Variants in DLGAP4 observed in about 807,000 individuals in gnomAD.
DLGAP4 encodes the protein disks large-associated protein 4.
DLGAP4 carries 18 observed loss-of-function variants against 86.9 expected under a neutral mutation model. The ratio of observed to expected loss-of-function variants is 0.21; its 90% CI spans 0.14 to 0.31. The LOEUF (loss-of-function observed/expected upper bound fraction) is 0.31. DLGAP4 is among the 10% of genes least tolerant of loss of function. The pLI, the probability that DLGAP4 is intolerant of heterozygous loss-of-function variation, is 1.00. For synonymous variants in DLGAP4, 548 were observed against 574.3 expected (o/e 0.95, Z 0.65); for missense variants, 1,085 against 1,362.6 (o/e 0.80, Z 3.21).
intron 2 of DLGAP4, among the ~76,000 whole-genome samples, chr20:36,380,264 A>AAG (rs2031323367): frequency 2.7e-5 from 4 of 149,682 alleles, no homozygotes; most frequent in African/African-American, 9.9e-5. Flanking sequence ...AAAAAAAATA[A>AAG]CCAGGTGTGG....
At chr20:36,387,651 A>G (rs1451547908) in intron 2 of DLGAP4, among the ~76,000 whole-genome samples, 1 of 152,170 alleles carries the variant, frequency 6.6e-6, no homozygotes, top group Admixed American at 6.5e-5. Context: ...GAGATATTTA[A>G]TCAAGTTTAG....
intron 8 of DLGAP4, 200 bp from the exon 9 acceptor site, chr20:36,499,388 C>A: frequency 6.6e-7 from 1 of 1,517,940 alleles, no homozygotes; most frequent in East Asian, 2.4e-5. Flanking sequence ...CCCGCCTGCC[C>A]GCCTCCACGC....
At chr20:36,497,173 G>A in intron 8 of DLGAP4, 107 bp downstream of exon 8, 4 of 1,492,792 alleles carry the variant, frequency 2.7e-6, no homozygotes, top group African/African-American at 2.8e-5. Context: ...AAGGTGGTTT[G>A]TCTCTCTATT....
chr20:36,474,980 T>C (rs559202278), intron 7 of DLGAP4, among the ~76,000 whole-genome samples: 1 of 152,138 alleles, frequency 6.6e-6, no homozygotes, highest in South Asian at 2.1e-4. Context: ...AGGAAACAAG[T>C]AGATGCTGAG....
At chr20:36,518,918 C>A (rs1489365183) in intron 10 of DLGAP4, among the ~76,000 whole-genome samples, 2 of 152,072 alleles carry the variant, frequency 1.3e-5, no homozygotes, top group Admixed American at 6.6e-5. Flanking sequence ...GAGTTCGAGA[C>A]TAGCCTGGTC....
At chr20:36,486,764 C>T (rs1399774736) in intron 7 of DLGAP4, among the ~76,000 whole-genome samples, 1 of 152,122 alleles carries the variant, frequency 6.6e-6, no homozygotes, top group Non-Finnish European at 1.5e-5. Context: ...GCCTGCGCCA[C>T]CACACCCGGC....
chr20:36,428,664 G>C (rs1032455355), intron 2 of DLGAP4, among the ~76,000 whole-genome samples: 2 of 152,224 alleles, frequency 1.3e-5, no homozygotes, highest in Non-Finnish European at 2.9e-5. Context: ...GGCTGGGTGG[G>C]GCCTGCGTTA....
chr20:36,462,855 G>A (rs1024462391), intron 7 of DLGAP4, among the ~76,000 whole-genome samples: 2 of 152,264 alleles, frequency 1.3e-5, no homozygotes, highest in Non-Finnish European at 2.9e-5. Flanking sequence ...CTGCCCACTT[G>A]GCCCCGCATG....
In DLGAP4 at chr20:36,527,141, C is replaced by T; in HGVS notation, c.*110C>T. The T allele has an allele frequency of 8.4e-7, 1 of 1,185,420 alleles. No homozygotes were observed. Among genetic ancestry groups the T allele is most frequent in the Non-Finnish European group, 1.1e-6 (1 of 876,820 alleles). 73.4% of individuals were successfully genotyped at this position (1,185,420 alleles called of 1,614,324 possible). On this transcript the variant is annotated 3_prime_UTR_variant, in exon 13 of 13. Coordinates refer to ENST00000339266, the MANE Select transcript of DLGAP4 (RefSeq NM_001365621.2). ...GCTATGGTTATTCTGTCTAGAGACC[C>T]TGAGCCAACTTTCAAATTGACGCAT...
intron 1 of DLGAP4, among the ~76,000 whole-genome samples, chr20:36,334,108 A>G (rs1299353790): frequency 6.6e-6 from 1 of 152,264 alleles, no homozygotes; most frequent in Non-Finnish European, 1.5e-5. Context: ...CACCAGAAGC[A>G]CAGCGGTGAA....
At position 36,374,905 on chromosome 20, in the gene DLGAP4, G is replaced by C. The variant is rs149672167; in HGVS notation, c.-73+7630G>C. The stretch of plus-strand genomic sequence containing the variant: ...GCAGAAGCCTGCATTTCCAGGTCAG[G>C]GGGGTCCAAGATGAGGAAGCCCTGG... On this transcript the variant is annotated intron_variant, in intron 2 of 12. Coordinates refer to ENST00000339266, the MANE Select transcript of DLGAP4 (RefSeq NM_001365621.2). Among the ~76,000 whole-genome samples, 492 of 152,360 alleles carry C rather than the reference G, an allele frequency of 3.2e-3. 2 individuals are homozygous for C. Among genetic ancestry groups the C allele is most frequent in the African/African-American group, 0.011 (478 of 41,584 alleles).
chr20:36,432,080 C>A lies in DLGAP4; in HGVS notation c.363C>A (p.Thr121=). The A allele has an allele frequency of 6.2e-7, 1 of 1,614,184 alleles. No homozygotes were observed. The highest frequency in any genetic ancestry group is 8.5e-7 in the Non-Finnish European group (1 of 1,180,044). The stretch of plus-strand genomic sequence containing the variant: ...CCATCCACCGTGATGGCTTCAGCAC[C>A]CTCCAATTTCCCCGTGGCGAGGCCA... ...QLPIHRDGFS[T]LQFPRGEAKA... is the part of the protein sequence containing the mutation. The change falls in exon 3 of 13, where the codon ACC becomes ACA. Residue 121 remains threonine (T), a synonymous_variant. Coordinates refer to ENST00000339266, the MANE Select transcript of DLGAP4 (RefSeq NM_001365621.2). The surrounding 1 kb of genome is among the most constrained non-coding windows in gnomAD (Gnocchi z 6.5).
chr20:36,398,135 A>G (rs560171352), intron 2 of DLGAP4, among the ~76,000 whole-genome samples: 12 of 152,344 alleles, frequency 7.9e-5, no homozygotes, highest in African/African-American at 2.9e-4. Context: ...TAAATGTTAC[A>G]TATGTGTTTG....
intron 4 of DLGAP4, among the ~76,000 whole-genome samples, chr20:36,439,317 AG>A (rs1216909636): frequency 6.6e-6 from 1 of 152,320 alleles, no homozygotes; most frequent in African/African-American, 2.4e-5. Flanking sequence ...CTTCTGTATC[AG>A]GGGCCTAAGC....
Position 36,496,934 on chromosome 20 carries a change from C to T in DLGAP4, c.1878C>T (p.Val626=), listed in dbSNP as rs918500881. The change falls in exon 8 of 13, where the codon GTC becomes GTT. Residue 626 remains valine (V), a synonymous_variant. Coordinates refer to ENST00000339266, the MANE Select transcript of DLGAP4 (RefSeq NM_001365621.2). ...CGCCCAGCGTGACACGGGGTGGAGT[C>T]GCCCCAGCCCCTGAGGCCCCAGAGC... is the stretch of plus-strand genomic sequence containing the variant. ...TRPPSVTRGG[V]APAPEAPEPP... 17 of 1,614,028 alleles carry T rather than the reference C, an allele frequency of 1.1e-5. No individual in the cohort carries two copies. Among genetic ancestry groups the T allele is most frequent in the African/African-American group, 4.0e-5 (3 of 74,922 alleles).
rs899150998 is a variant in DLGAP4, at chr20:36,346,247, G to A, written c.-303-20798G>A. Among the ~76,000 whole-genome samples the A allele has an allele frequency of 5.3e-5, 8 of 152,216 alleles. No individual in the cohort carries two copies. In the South Asian group the frequency reaches 8.3e-4, roughly 16 times the overall value. ...GGCTGTGGGTACCCCATGCTTGTCC[G>A]TGGCTCTGGCACTATTGTGGCTGCC... On this transcript the variant is annotated intron_variant, in intron 1 of 12. Coordinates refer to ENST00000339266, the MANE Select transcript of DLGAP4 (RefSeq NM_001365621.2).
At chr20:36,347,549 A>G (rs1245834652) in intron 1 of DLGAP4, among the ~76,000 whole-genome samples, 6 of 152,160 alleles carry the variant, frequency 3.9e-5, no homozygotes, top group Admixed American at 3.3e-4. Context: ...TGGTCAGGGC[A>G]TGAATTTTGG....
At chr20:36,374,981 T>G (rs2031096287) in intron 2 of DLGAP4, among the ~76,000 whole-genome samples, 1 of 152,256 alleles carries the variant, frequency 6.6e-6, no homozygotes, top group African/African-American at 2.4e-5. Flanking sequence ...GAGAGTCCCA[T>G]TACCTTGACA....
intron 1 of DLGAP4, among the ~76,000 whole-genome samples, chr20:36,340,132 G>A (rs898352838): frequency 6.6e-6 from 1 of 152,274 alleles, no homozygotes; most frequent in Non-Finnish European, 1.5e-5. Context: ...GGAGGCCTAA[G>A]TTCCCAATAC....
Sources: allele counts gnomAD v4.1 joint callset (sites outside exome capture counted in the v4.1 genomes callset), GRCh38; gene constraint gnomAD v4.1.1; non-coding constraint Gnocchi (gnomAD v3.1); transcripts MANE v1.5; gene names NCBI Gene and HGNC (gene_info 2026-07-23, HGNC 2026-07-21).